Variants in ANKS1B observed in about 807,000 individuals in gnomAD.
The protein encoded by ANKS1B is ankyrin repeat and sterile alpha motif domain containing 1B, also known as ankyrin repeat and sterile alpha motif domain-containing protein 1B.
In ANKS1B, 36 loss-of-function variants were observed where a neutral mutation model predicts 148.3. The observed-to-expected ratio is 0.24, with a 90% CI of 0.19 to 0.32. The LOEUF is 0.32. ANKS1B is among the 10% of genes least tolerant of loss of function. The probability of loss-of-function intolerance (pLI) is 1.00; values close to 1 mark genes in which losing one functional copy is unlikely to be tolerated. For synonymous variants in ANKS1B, 542 were observed against 560.8 expected (o/e 0.97, Z 0.47); for missense variants, 1,157 against 1,542.6 (o/e 0.75, Z 4.19).
chr12:98,826,607 C>T (rs1172598997), intron 19 of ANKS1B, among the ~76,000 whole-genome samples: 3 of 152,042 alleles, frequency 2.0e-5, no homozygotes, highest in Non-Finnish European at 4.4e-5. Context: ...ATAAATCTGT[C>T]CAGGTGATTT....
At chr12:98,953,834 C>A (rs569186304) in intron 17 of ANKS1B, among the ~76,000 whole-genome samples, 2 of 152,198 alleles carry the variant, frequency 1.3e-5, no homozygotes, top group African/African-American at 4.8e-5. Context: ...TCCTGGAATG[C>A]ATCTTACATG....
rs7294570 is a variant in ANKS1B at position 99,792,592 on chromosome 12, C to A, written c.670-10495G>T. Among the ~76,000 whole-genome samples, 1,352 of 151,922 alleles carry A rather than the reference C, an allele frequency of 8.9e-3. 14 individuals are homozygous for A. Among genetic ancestry groups the A allele is most frequent in the African/African-American group, 0.03 (1,261 of 41,504 alleles). On this transcript the variant is annotated intron_variant, in intron 4 of 26. Coordinates refer to ENST00000683438, the MANE Select transcript of ANKS1B (RefSeq NM_001352186.2). ...CAATCAATGTGATACCCTGTATCAA[C>A]AGAATGAAGGACAAAAAACATTATC... is the stretch of plus-strand genomic sequence containing the variant.
At position 99,724,350 on chromosome 12, in the gene ANKS1B, G is replaced by A. The variant is rs774943249; in HGVS notation, c.1128+48572C>T. Among the ~76,000 whole-genome samples, 5 of 152,132 alleles carry A rather than the reference G, an allele frequency of 3.3e-5. No individual in the cohort carries two copies. In the East Asian group the frequency reaches 7.7e-4, roughly 23 times the overall value. On this transcript the variant is annotated intron_variant, in intron 8 of 26. Coordinates refer to ENST00000683438, the MANE Select transcript of ANKS1B (RefSeq NM_001352186.2). Reference sequence around the variant, plus strand: ...CTGAAAAACACAGCGGAAGAACTTCGTGAAGCATACAGAAGTATCAATAGC... The same window carrying A: ...CTGAAAAACACAGCGGAAGAACTTCATGAAGCATACAGAAGTATCAATAGC...
chr12:99,581,205 T>C (rs563346133), intron 9 of ANKS1B, among the ~76,000 whole-genome samples: 3 of 152,100 alleles, frequency 2.0e-5, no homozygotes, highest in Non-Finnish European at 4.4e-5. Flanking sequence ...GACATAAGAA[T>C]AGGCACAGAG....
chr12:99,058,124 C>T (rs2040904017), intron 16 of ANKS1B, among the ~76,000 whole-genome samples: 1 of 151,712 alleles, frequency 6.6e-6, no homozygotes, highest in South Asian at 2.1e-4. Context: ...AATCTATTGG[C>T]AAATGCATCT....
intron 17 of ANKS1B, among the ~76,000 whole-genome samples, chr12:98,974,379 C>G (rs2099888336): frequency 6.6e-6 from 1 of 152,138 alleles, no homozygotes; most frequent in South Asian, 2.1e-4. Flanking sequence ...ACGAATATAA[C>G]AGTATTTGAT....
At chr12:99,008,358 C>G (rs1335696375) in intron 17 of ANKS1B, among the ~76,000 whole-genome samples, 1 of 152,034 alleles carries the variant, frequency 6.6e-6, no homozygotes, top group Non-Finnish European at 1.5e-5. Flanking sequence ...TTCCAAATAG[C>G]AACCATGTAA....
At chr12:99,686,016 T>C (rs1459321665) in intron 8 of ANKS1B, among the ~76,000 whole-genome samples, 1 of 152,008 alleles carries the variant, frequency 6.6e-6, no homozygotes, top group Non-Finnish European at 1.5e-5. Context: ...AGACTATGCA[T>C]TGGGTACAGT....
rs529934745 is a variant in ANKS1B, at chr12:99,414,755, A to G, written c.1576-14944T>C. Among the ~76,000 whole-genome samples the G allele has an allele frequency of 2.0e-5, 3 of 152,336 alleles. No homozygotes were observed. The South Asian group carries it at 6.2e-4, about 32-fold the overall frequency. On this transcript the variant is annotated intron_variant, in intron 11 of 26. Coordinates refer to ENST00000683438, the MANE Select transcript of ANKS1B (RefSeq NM_001352186.2). ...TAAATGATGTGTTGATGGGTGCAAC[A>G]AACCACCATAGCACATGTATACCTA...
At chr12:98,888,889 A>G (rs946180483) in intron 17 of ANKS1B, among the ~76,000 whole-genome samples, 1 of 152,158 alleles carries the variant, frequency 6.6e-6, no homozygotes, top group African/African-American at 2.4e-5. Flanking sequence ...CTCCCACTAA[A>G]TATCTGCTCT....
chr12:99,285,270 A>G (rs2078979550), intron 12 of ANKS1B, among the ~76,000 whole-genome samples: 1 of 152,176 alleles, frequency 6.6e-6, no homozygotes, highest in African/African-American at 2.4e-5. Flanking sequence ...TTTGATATTT[A>G]TCCATGTTGT....
At position 99,029,414 on chromosome 12, in the gene ANKS1B, G is replaced by C. The variant is rs539871534; in HGVS notation, c.2778+23743C>G. On this transcript the variant is annotated intron_variant, in intron 17 of 26. Coordinates refer to ENST00000683438, the MANE Select transcript of ANKS1B (RefSeq NM_001352186.2). ...AAAGGACTCAACTTTGTTCGTACTG[G>C]AGAAGTTGTCTGGGCTGCTGCAGGA... Among the ~76,000 whole-genome samples the C allele has an allele frequency of 2.2e-4, 33 of 152,316 alleles. No homozygotes were observed. The South Asian group carries it at 3.1e-3, about 14-fold the overall frequency.
At chr12:98,749,981 G>A (rs1003721046) in intron 26 of ANKS1B, among the ~76,000 whole-genome samples, 1 of 152,200 alleles carries the variant, frequency 6.6e-6, no homozygotes. Flanking sequence ...CTTTGGGCTT[G>A]AGTTGCATGG....
chr12:98,857,732 T>A lies in ANKS1B; in HGVS notation c.2779-25596A>T, dbSNP rs536318002. On this transcript the variant is annotated intron_variant, in intron 17 of 26. Coordinates refer to ENST00000683438, the MANE Select transcript of ANKS1B (RefSeq NM_001352186.2). ...AAATGAATATTTCAAGAACTATTTA[T>A]GGGGGTCAGTAAATATAATATTTCT... Among the ~76,000 whole-genome samples the A allele has an allele frequency of 3.9e-5, 6 of 152,240 alleles. No individual in the cohort carries two copies. In the South Asian group the frequency reaches 1.2e-3, roughly 32 times the overall value.
intron 17 of ANKS1B, among the ~76,000 whole-genome samples, chr12:98,835,094 C>T (rs1310162294): frequency 1.0e-5 from 1 of 95,940 alleles, no homozygotes; most frequent in Non-Finnish European, 2.0e-5. Context: ...AAGACATTTG[C>T]TTAATTATTA....
intron 17 of ANKS1B, among the ~76,000 whole-genome samples, chr12:98,997,801 C>G (rs1190861988): frequency 6.6e-6 from 1 of 152,126 alleles, no homozygotes; most frequent in Non-Finnish European, 1.5e-5. Context: ...CATTTGTGTT[C>G]AATCTTCGGA....
At chr12:99,513,044 C>T (rs1407803330) in intron 9 of ANKS1B, among the ~76,000 whole-genome samples, 2 of 151,226 alleles carry the variant, frequency 1.3e-5, no homozygotes, top group Admixed American at 1.3e-4. Context: ...TACCCTGGAA[C>T]TTAAAAGTTG....
At chr12:99,754,987 A>AGT (rs2061434718) in intron 8 of ANKS1B, among the ~76,000 whole-genome samples, 2 of 152,150 alleles carry the variant, frequency 1.3e-5, no homozygotes, top group Non-Finnish European at 2.9e-5. Flanking sequence ...AGTACAAAAC[A>AGT]TAACCAAAAT....
At chr12:99,448,501 T>C (rs2095672616) in intron 10 of ANKS1B, among the ~76,000 whole-genome samples, 1 of 152,058 alleles carries the variant, frequency 6.6e-6, no homozygotes, top group African/African-American at 2.4e-5. Flanking sequence ...AAGAGGTTTA[T>C]CATACAATAT....
Sources: allele counts gnomAD v4.1 joint callset (sites outside exome capture counted in the v4.1 genomes callset), GRCh38; gene constraint gnomAD v4.1.1; transcripts MANE v1.5; gene names NCBI Gene and HGNC (gene_info 2026-07-23, HGNC 2026-07-21).